Variants in RBFOX1 observed in about 807,000 individuals in gnomAD.
The protein encoded by RBFOX1 is RNA binding fox-1 homolog 1.
A neutral mutation model predicts 57.7 loss-of-function variants in RBFOX1; 8 were observed. The observed-to-expected ratio is 0.14, with a 90% confidence interval of 0.08 to 0.25. The LOEUF is 0.25. RBFOX1 is among the 10% of genes least tolerant of loss of function. The probability of loss-of-function intolerance (pLI) is 1.00; values close to 1 mark genes in which losing one functional copy is unlikely to be tolerated. For synonymous variants in RBFOX1, 326 were observed against 222.4 expected, an observed-to-expected ratio of 1.47 and a Z score of -4.15; for missense variants, 611 against 548.5, an observed-to-expected ratio of 1.11 and a Z score of -1.14.
intron 3 of RBFOX1, among the ~76,000 whole-genome samples, chr16:6,744,605 G>C (rs1468679104): frequency 6.6e-6 from 1 of 151,946 alleles, no homozygotes; most frequent in Non-Finnish European, 1.5e-5. Flanking sequence ...GTGGATCGAA[G>C]AGAAAATCTA....
intron 3 of RBFOX1, among the ~76,000 whole-genome samples, chr16:6,825,374 C>G (rs7190682): frequency 0.029 from 4,432 of 151,804 alleles, 236 homozygotes; most frequent in African/African-American, 0.1. Flanking sequence ...TTTAAATACA[C>G]ACTTAAAATT....
intron 2 of RBFOX1, among the ~76,000 whole-genome samples, chr16:6,416,725 G>A (rs1241276095): frequency 3.3e-5 from 5 of 152,048 alleles, no homozygotes; most frequent in African/African-American, 4.8e-5. Context: ...TCAGCACTGC[G>A]GCCTGTACCT....
intron 4 of RBFOX1, among the ~76,000 whole-genome samples, chr16:7,170,118 G>A (rs1177913458): frequency 6.6e-6 from 1 of 151,950 alleles, no homozygotes; most frequent in Non-Finnish European, 1.5e-5. Flanking sequence ...ATGCATGCTG[G>A]GTAATTAATA....
intron 3 of RBFOX1, among the ~76,000 whole-genome samples, chr16:5,701,323 G>A (rs937977029): frequency 3.3e-5 from 5 of 152,192 alleles, no homozygotes; most frequent in Non-Finnish European, 2.9e-5. Context: ...AATACAAAAG[G>A]AAATCATTTG....
At chr16:5,808,851 C>T (rs953291699) in intron 3 of RBFOX1, among the ~76,000 whole-genome samples, 52 of 152,166 alleles carry the variant, frequency 3.4e-4, no homozygotes, top group Non-Finnish European at 1.2e-4. Context: ...GATATACAAT[C>T]ATGTCATGTG....
intron 1 of RBFOX1, among the ~76,000 whole-genome samples, chr16:5,370,632 G>A (rs765448350): frequency 6.6e-6 from 1 of 151,212 alleles, no homozygotes; most frequent in Admixed American, 6.6e-5. Context: ...AGCTGAGGCC[G>A]CAGGCACGTG....
chr16:5,969,003 G>GT, intron 4 of RBFOX1, among the ~76,000 whole-genome samples: 1 of 151,666 alleles, frequency 6.6e-6, no homozygotes, highest in Middle Eastern at 3.4e-3. Context: ...TTGCCCTTAG[G>GT]TTTTTCTAGT....
At chr16:6,083,014 G>GTTTGT (rs145543773) in intron 1 of RBFOX1, among the ~76,000 whole-genome samples, 285 of 151,058 alleles carry the variant, frequency 1.9e-3, no homozygotes, top group African/African-American at 5.8e-3. Flanking sequence ...TTGTTTGTTT[G>GTTTGT]TTTTTTAGAT....
chr16:6,537,052 C>T (rs2096744975), intron 2 of RBFOX1, among the ~76,000 whole-genome samples: 1 of 152,104 alleles, frequency 6.6e-6, no homozygotes, highest in Admixed American at 6.6e-5. Flanking sequence ...AGCTATAGCT[C>T]CTCTCAGCTC....
At chr16:7,271,539 T>C (rs539395244) in intron 4 of RBFOX1, among the ~76,000 whole-genome samples, 15 of 152,234 alleles carry the variant, frequency 9.9e-5, no homozygotes, top group African/African-American at 3.4e-4. Flanking sequence ...TAAAGATACG[T>C]GCATGTTAGT....
At chr16:6,726,258 A>G (rs545574932) in intron 3 of RBFOX1, among the ~76,000 whole-genome samples, 24 of 152,240 alleles carry the variant, frequency 1.6e-4, no homozygotes, top group African/African-American at 5.8e-4. Context: ...AAATTTTTGA[A>G]TTCATTGTGA....
chr16:6,075,167 G>C (rs188912448), intron 1 of RBFOX1, among the ~76,000 whole-genome samples: 2 of 152,160 alleles, frequency 1.3e-5, no homozygotes, highest in African/African-American at 4.8e-5. Flanking sequence ...CTTGAACAAC[G>C]TCAGACACGA....
intron 1 of RBFOX1, among the ~76,000 whole-genome samples, chr16:6,068,485 A>G (rs2095795365): frequency 1.3e-5 from 2 of 152,216 alleles, no homozygotes; most frequent in African/African-American, 4.8e-5. Flanking sequence ...AATTCTTAAT[A>G]GGAACCGTTT....
Position 6,262,979 on chromosome 16 carries a change from G to A in RBFOX1, c.-126-54016G>A, listed in dbSNP as rs28537100. On this transcript the variant is annotated intron_variant, in intron 1 of 15. Transcript: ENST00000550418. ...TTTAGATGTGGAGTAGACAGGGAAG[G>A]CCACTTTGAGATGACATCTGATTTG... 5.8e-3 allele frequency among the ~76,000 whole-genome samples: 888 copies of A among 152,264 alleles called. 6 individuals are homozygous for A. Among genetic ancestry groups the A allele is most frequent in the African/African-American group, 0.02 (848 of 41,554 alleles).
At chr16:7,066,408 T>G (rs1052212846) in intron 4 of RBFOX1, among the ~76,000 whole-genome samples, 5 of 152,216 alleles carry the variant, frequency 3.3e-5, no homozygotes, top group African/African-American at 4.8e-5. Flanking sequence ...GTTTTCTTTA[T>G]TGATTTGGAC....
In RBFOX1 at chr16:5,744,926, C is replaced by T. The variant is rs570395428; in HGVS notation, c.319-122377C>T. On this transcript the variant is annotated intron_variant, in intron 3 of 19. Coordinates refer to the RBFOX1 transcript ENST00000641259. ...TAGCGGGGATTACAGGCATGCACTG[C>T]CACGCCTGGCTAATTTTTGTATTTT... Among the ~76,000 whole-genome samples the T allele has an allele frequency of 1.5e-4, 23 of 152,224 alleles. No individual in the cohort carries two copies. The South Asian group carries it at 2.1e-3, about 14-fold the overall frequency.
At chr16:6,759,316 A>T (rs2076259256) in intron 3 of RBFOX1, among the ~76,000 whole-genome samples, 1 of 151,932 alleles carries the variant, frequency 6.6e-6, no homozygotes, top group Non-Finnish European at 1.5e-5. Context: ...ACAGCTGGCT[A>T]ATTTTTGTAT....
intron 4 of RBFOX1, among the ~76,000 whole-genome samples, chr16:7,498,299 C>CT (rs768951394): frequency 3.3e-5 from 5 of 152,072 alleles, no homozygotes; most frequent in Non-Finnish European, 5.9e-5. Context: ...TTTAAATAGT[C>CT]TAAGTTCAAT....
intron 4 of RBFOX1, among the ~76,000 whole-genome samples, chr16:7,337,152 T>C (rs1452651688): frequency 2.0e-5 from 3 of 152,178 alleles, no homozygotes; most frequent in African/African-American, 7.2e-5. Context: ...CAAAGCTAGG[T>C]AGCCCAAGGT....
Sources: allele counts gnomAD v4.1 joint callset (sites outside exome capture counted in the v4.1 genomes callset), GRCh38; gene constraint gnomAD v4.1.1; transcripts MANE v1.5; gene names NCBI Gene and HGNC (gene_info 2026-07-23, HGNC 2026-07-21).